ST8SIA6: variants seen among roughly 807,000 people sequenced by gnomAD.
ST8SIA6 encodes ST8 alpha-N-acetyl-neuraminide alpha-2,8-sialyltransferase 6, also known as alpha-2,8-sialyltransferase 8F.
Under a neutral mutation model 33.6 loss-of-function variants are expected in ST8SIA6, and 39 were observed. The observed-to-expected ratio is 1.16, with a 90% CI of 0.90 to 1.52. The LOEUF is 1.52. Ranked by LOEUF, ST8SIA6 falls within the 40% of genes most tolerant of loss-of-function variation. ST8SIA6 has a pLI of 0.00. For synonymous variants in ST8SIA6, 172 were observed against 167.2 expected, an observed-to-expected ratio of 1.03 and a Z score of -0.22; for missense variants, 441 against 443.8, an observed-to-expected ratio of 0.99 and a Z score of 0.06.
rs535439391 is a variant in ST8SIA6 at position 17,402,690 on chromosome 10, C to T, written c.201-12070G>A. 1.8e-3 allele frequency among the ~76,000 whole-genome samples: 271 copies of T among 152,124 alleles called. 3 individuals carry two copies. The highest frequency in any genetic ancestry group is 6.1e-3 in the African/African-American group (253 of 41,490). On this transcript the variant is annotated intron_variant, in intron 2 of 7. Coordinates refer to ENST00000377602, the MANE Select transcript of ST8SIA6 (RefSeq NM_001004470.3). ...ATCGCAAGAACAAAAAACCAAACAC[C>T]GCATGTTCTCACTCATAGGTGGGAA...
chr10:17,452,034 T>C (rs1382384835), intron 2 of ST8SIA6, among the ~76,000 whole-genome samples: 1 of 152,198 alleles, frequency 6.6e-6, no homozygotes, highest in Non-Finnish European at 1.5e-5. Context: ...GTACATTCTT[T>C]CCAACTTTCC....
intron 3 of ST8SIA6, among the ~76,000 whole-genome samples, chr10:17,367,512 T>C (rs1849593469): frequency 1.3e-5 from 2 of 152,110 alleles, no homozygotes; most frequent in South Asian, 2.1e-4. Flanking sequence ...TATCACTTCT[T>C]CTTCACAAAT....
rs779224263 is a variant in ST8SIA6, at chr10:17,321,189, C to T, written c.886G>A (p.Val296Ile). ...AGGTACTTGGGATGGAAAAATAGAA[C>T]CTTTTGTCTTGCTTTAGACTCTTCG... The part of the protein sequence containing the change: ...TLEESKARQK[V>I]LFFHPKYLKD... The change falls in exon 8 of 8, where the codon GTT becomes ATT. Residue 296 changes from valine to isoleucine, a missense_variant. Val to Ile is a conservative substitution (Grantham distance 29, BLOSUM62 3). Transcript: ENST00000377602. 2.5e-6 allele frequency: 4 copies of T among 1,614,050 alleles called. No individual in the cohort carries two copies. The highest frequency in any genetic ancestry group is 2.5e-6 in the Non-Finnish European group (3 of 1,179,978).
chr10:17,371,711 A>C (rs956971522), intron 3 of ST8SIA6, among the ~76,000 whole-genome samples: 2 of 148,940 alleles, frequency 1.3e-5, no homozygotes, highest in African/African-American at 4.9e-5. Context: ...GCTTGAACCC[A>C]GGAGGCAGGG....
At chr10:17,403,264 G>T (rs942678409) in intron 2 of ST8SIA6, among the ~76,000 whole-genome samples, 1 of 152,240 alleles carries the variant, frequency 6.6e-6, no homozygotes, top group Non-Finnish European at 1.5e-5. Flanking sequence ...CTCAAATTCA[G>T]TGTGCAAAAG....
chr10:17,380,865 G>GTGTA (rs200224096), intron 3 of ST8SIA6, among the ~76,000 whole-genome samples: 48 of 146,108 alleles, frequency 3.3e-4, no homozygotes, highest in African/African-American at 1.1e-3. Context: ...GTGTGTATGT[G>GTGTA]TTTGTATGTG....
At chr10:17,420,993 A>C (rs569300454) in intron 2 of ST8SIA6, among the ~76,000 whole-genome samples, 1 of 152,222 alleles carries the variant, frequency 6.6e-6, no homozygotes, top group East Asian at 1.9e-4. Context: ...GAACACGAGA[A>C]CAGCAAGGGT....
chr10:17,341,967 A>G (rs1417891946), intron 4 of ST8SIA6, among the ~76,000 whole-genome samples: 1 of 151,444 alleles, frequency 6.6e-6, no homozygotes, highest in Admixed American at 6.6e-5. Flanking sequence ...TCTATAACCC[A>G]GAAGAGGGCA....
At chr10:17,334,284 A>C (rs76135160) in intron 4 of ST8SIA6, among the ~76,000 whole-genome samples, 1 of 151,648 alleles carries the variant, frequency 6.6e-6, no homozygotes, top group African/African-American at 2.4e-5. Context: ...TCACGCCTGT[A>C]ATCCCAGCAC....
intron 3 of ST8SIA6, 38 bp from the exon 4 acceptor site, chr10:17,359,638 T>A (rs1588837411): frequency 7.5e-7 from 1 of 1,339,442 alleles, no homozygotes; most frequent in East Asian, 2.4e-5. Flanking sequence ...AAAATAATGA[T>A]CTCATATGTA....
chr10:17,393,652 C>T (rs1211985983), intron 2 of ST8SIA6, among the ~76,000 whole-genome samples: 2 of 152,142 alleles, frequency 1.3e-5, no homozygotes, highest in Admixed American at 6.5e-5. Flanking sequence ...TGTCCATCGG[C>T]AGGCAGAGAA....
intron 2 of ST8SIA6, among the ~76,000 whole-genome samples, chr10:17,417,646 A>G (rs1294771882): frequency 6.6e-6 from 1 of 152,054 alleles, no homozygotes; most frequent in African/African-American, 2.4e-5. Context: ...ATGAATGTTC[A>G]CTGAAAGAAT....
chr10:17,378,480 C>G lies in ST8SIA6; in HGVS notation c.290+12051G>C, dbSNP rs141208860. ...CAGCTTTCCACAGGGTCCGATGGAG[C>G]AAAGGCCAATTTTCCCATTCTACTT... On this transcript the variant is annotated intron_variant, in intron 3 of 7. Coordinates refer to ENST00000377602, the MANE Select transcript of ST8SIA6 (RefSeq NM_001004470.3). Among the ~76,000 whole-genome samples, 490 of 152,228 alleles carry G rather than the reference C, an allele frequency of 3.2e-3. 7 individuals carry two copies. The highest frequency in any genetic ancestry group is 0.032 in the South Asian group (154 of 4,812).
chr10:17,345,137 A>G (rs1226525227), intron 4 of ST8SIA6, among the ~76,000 whole-genome samples: 1 of 152,126 alleles, frequency 6.6e-6, no homozygotes, highest in African/African-American at 2.4e-5. Context: ...CAGGCCTACT[A>G]TATACCTCTG....
intron 3 of ST8SIA6, among the ~76,000 whole-genome samples, chr10:17,362,726 T>A (rs1267965851): frequency 6.6e-6 from 1 of 152,146 alleles, no homozygotes; most frequent in African/African-American, 2.4e-5. Context: ...TATTTATTTA[T>A]TTAGAGATGG....
At chr10:17,359,167 A>AACAT in intron 4 of ST8SIA6, among the ~76,000 whole-genome samples, 1 of 152,340 alleles carries the variant, frequency 6.6e-6, no homozygotes, top group Non-Finnish European at 1.5e-5. Context: ...ATGTTTTCCA[A>AACAT]ACATACTTTA....
rs537252956 is a variant in ST8SIA6 at position 17,380,717 on chromosome 10, T to A, written c.290+9814A>T. On this transcript the variant is annotated intron_variant, in intron 3 of 7. Transcript: ENST00000377602. ...GCTCCATGATTAAAAGTCAGCTTAA[T>A]GAAAAGGCTAACAGCCAAGATGTGT... 4.4e-4 allele frequency among the ~76,000 whole-genome samples: 67 copies of A among 152,148 alleles called. 2 individuals carry two copies. Among genetic ancestry groups the A allele is most frequent in the Admixed American group, 2.2e-3 (33 of 15,266 alleles).
intron 3 of ST8SIA6, among the ~76,000 whole-genome samples, chr10:17,385,850 G>A (rs113553676): frequency 0.029 from 4,393 of 152,168 alleles, 70 homozygotes; most frequent in South Asian, 0.06. Context: ...TGTCACGGGC[G>A]CATTCTCAAC....
At chr10:17,350,852 T>C (rs955386833) in intron 4 of ST8SIA6, among the ~76,000 whole-genome samples, 9 of 152,068 alleles carry the variant, frequency 5.9e-5, no homozygotes, top group Non-Finnish European at 1.2e-4. Context: ...ATGACACTAA[T>C]CTCAGAGTAG....
Sources: allele counts gnomAD v4.1 joint callset (sites outside exome capture counted in the v4.1 genomes callset), GRCh38; gene constraint gnomAD v4.1.1; transcripts MANE v1.5; gene names NCBI Gene and HGNC (gene_info 2026-07-23, HGNC 2026-07-21).